The following MXI1 variants were observed in gnomAD, a reference collection of about 807,000 sequenced individuals.
MXI1 encodes max-interacting protein 1.
A neutral mutation model predicts 36.9 loss-of-function variants in MXI1; 18 were observed. The ratio of observed to expected loss-of-function variants is 0.49; its 90% CI spans 0.34 to 0.72. The LOEUF (loss-of-function observed/expected upper bound fraction) is 0.72. MXI1 is among the 30% of genes least tolerant of loss of function. The pLI is 0.01. For synonymous variants in MXI1, 160 were observed against 146.7 expected (o/e 1.09, Z -0.65); for missense variants, 304 against 379.1 (o/e 0.80, Z 1.64).
intron 2 of MXI1, among the ~76,000 whole-genome samples, chr10:110,244,263 A>G (rs1855778773): frequency 6.6e-6 from 1 of 151,654 alleles, no homozygotes. Flanking sequence ...TTATTAATAT[A>G]TTTTTTCTTT....
intron 3 of MXI1, among the ~76,000 whole-genome samples, chr10:110,248,182 C>A (rs191458191): frequency 6.6e-6 from 1 of 152,188 alleles, no homozygotes; most frequent in Admixed American, 6.5e-5. Flanking sequence ...ACATCACACA[C>A]CGGGGCCTGT....
intron 5 of MXI1, among the ~76,000 whole-genome samples, chr10:110,282,693 C>T (rs928929): frequency 0.44 from 67,236 of 151,862 alleles, 18,224 homozygotes; most frequent in Admixed American, 0.58. Flanking sequence ...CTTACTTTAG[C>T]GGTACCTTAC....
intron 2 of MXI1, among the ~76,000 whole-genome samples, chr10:110,235,986 A>T (rs1315876166): frequency 6.6e-6 from 1 of 152,082 alleles, no homozygotes. Flanking sequence ...CAGCCTGGGC[A>T]ACAGAGTGAG....
chr10:110,277,816 A>G (rs12243448), intron 3 of MXI1, among the ~76,000 whole-genome samples: 36,074 of 152,106 alleles, frequency 0.24, 5,131 homozygotes, highest in African/African-American at 0.4. Context: ...TGACCTCACT[A>G]CCCTTAATCA....
At chr10:110,256,336 G>A (rs565000016) in intron 3 of MXI1, among the ~76,000 whole-genome samples, 38 of 152,230 alleles carry the variant, frequency 2.5e-4, no homozygotes, top group African/African-American at 8.7e-4. Context: ...GGGCATGGTG[G>A]CTCATGCCTG....
intron 1 of MXI1, among the ~76,000 whole-genome samples, chr10:110,221,465 C>T (rs111364522): frequency 0.053 from 8,013 of 152,242 alleles, 326 homozygotes; most frequent in Middle Eastern, 0.15. Context: ...GGTGTCACCC[C>T]AAGTGGGGTG....
At chr10:110,232,024 G>A (rs1373983777) in intron 2 of MXI1, among the ~76,000 whole-genome samples, 2 of 151,674 alleles carry the variant, frequency 1.3e-5, no homozygotes, top group Non-Finnish European at 1.5e-5. Context: ...GCAGTGGCGC[G>A]ATCTCAGCTC....
chr10:110,264,368 A>ATT (rs112351250), intron 3 of MXI1, among the ~76,000 whole-genome samples: 57 of 140,710 alleles, frequency 4.1e-4, no homozygotes, highest in East Asian at 1.4e-3. Flanking sequence ...TTAGTAATTG[A>ATT]TTTTTTTTTT....
chr10:110,236,722 A>G (rs1450850538), intron 2 of MXI1, among the ~76,000 whole-genome samples: 4 of 152,138 alleles, frequency 2.6e-5, no homozygotes, highest in African/African-American at 9.7e-5. Context: ...CTACCTTCCA[A>G]AGTGTTGGGA....
intron 3 of MXI1, among the ~76,000 whole-genome samples, chr10:110,246,112 A>G (rs1160026259): frequency 2.0e-5 from 3 of 152,010 alleles, no homozygotes; most frequent in Non-Finnish European, 4.4e-5. Flanking sequence ...GCTTGAAGCA[A>G]AGAGTTCGAG....
intron 2 of MXI1, among the ~76,000 whole-genome samples, chr10:110,231,256 A>G (rs1855248566): frequency 6.6e-6 from 1 of 152,008 alleles, no homozygotes; most frequent in Admixed American, 6.6e-5. Context: ...AATCTCTGCT[A>G]CTTGGGAGGC....
chr10:110,233,057 T>C (rs1311183930), intron 2 of MXI1, among the ~76,000 whole-genome samples: 2 of 152,202 alleles, frequency 1.3e-5, no homozygotes, highest in Non-Finnish European at 2.9e-5. Flanking sequence ...TGTTTTAAGG[T>C]AATCTGGGAA....
intron 2 of MXI1, among the ~76,000 whole-genome samples, chr10:110,230,805 A>C (rs2134361344): frequency 6.6e-6 from 1 of 152,368 alleles, no homozygotes; most frequent in Admixed American, 6.5e-5. Flanking sequence ...CATAAAGCAG[A>C]AAGTTAGAAG....
intron 2 of MXI1, among the ~76,000 whole-genome samples, chr10:110,232,442 A>G (rs1855308599): frequency 6.6e-6 from 1 of 152,134 alleles, no homozygotes; most frequent in South Asian, 2.1e-4. Flanking sequence ...ATGTTTCCTC[A>G]TCTGCCGTAG....
In MXI1 at chr10:110,265,856, G is replaced by T. The variant is rs543449021; in HGVS notation, c.438-13324G>T. On this transcript the variant is annotated intron_variant, in intron 3 of 5. Transcript: ENST00000332674. ...TCTCTCTTGGAGTTTGCCGTAATTG[G>T]TTTTTATCATGTTTTCAGTATGTTT... Among the ~76,000 whole-genome samples the T allele has an allele frequency of 3.3e-5, 5 of 152,196 alleles. No homozygotes were observed. The South Asian group carries it at 1.0e-3, about 32-fold the overall frequency.
chr10:110,233,574 G>A (rs765620479), intron 2 of MXI1, among the ~76,000 whole-genome samples: 13 of 151,872 alleles, frequency 8.6e-5, no homozygotes, highest in African/African-American at 1.5e-4. Context: ...TTGTTCCGTA[G>A]AAAACTCCCA....
At chr10:110,245,283 A>G (rs1435465402) in intron 3 of MXI1, among the ~76,000 whole-genome samples, 1 of 152,172 alleles carries the variant, frequency 6.6e-6, no homozygotes, top group African/African-American at 2.4e-5. Flanking sequence ...ACTATTTATC[A>G]AACATGAGCT....
At chr10:110,256,624 A>G (rs1268402606) in intron 3 of MXI1, among the ~76,000 whole-genome samples, 2 of 151,342 alleles carry the variant, frequency 1.3e-5, no homozygotes, top group African/African-American at 2.4e-5. Context: ...AAAAAAAAAA[A>G]AAAAAGAAAT....
At chr10:110,227,923 C>T in intron 1 of MXI1, 1 of 432,646 alleles carries the variant, frequency 2.3e-6, no homozygotes, top group South Asian at 3.2e-5. Context: ...CATCTGAAAT[C>T]TCAAGTTCTT....
Sources: allele counts gnomAD v4.1 joint callset (sites outside exome capture counted in the v4.1 genomes callset), GRCh38; gene constraint gnomAD v4.1.1; transcripts MANE v1.5; gene names NCBI Gene and HGNC (gene_info 2026-07-23, HGNC 2026-07-21).